PLEKHH2: variants seen among roughly 807,000 people sequenced by gnomAD.
PLEKHH2 encodes the protein pleckstrin homology, MyTH4 and FERM domain containing H2.
A neutral mutation model predicts 187.9 loss-of-function variants in PLEKHH2; 129 were observed. That is an observed-to-expected ratio of 0.69 (90% confidence interval 0.59 to 0.79). The LOEUF (loss-of-function observed/expected upper bound fraction) is 0.79, where lower values mean the gene tolerates loss of function less well. Ranked by LOEUF, PLEKHH2 falls within the 30% of genes least tolerant of loss-of-function variation. The pLI is 0.00. For missense variants in PLEKHH2, 2,076 were observed against 1,751.2 expected (o/e 1.19, Z -3.31); for synonymous variants, 686 against 605.6 (o/e 1.13, Z -1.95).
intron 24 of PLEKHH2, among the ~76,000 whole-genome samples, chr2:43,747,512 C>T (rs1196662373): frequency 6.6e-6 from 1 of 152,144 alleles, no homozygotes; most frequent in Non-Finnish European, 1.5e-5. Context: ...TGAGAAAATG[C>T]CGGAGACTCC....
intron 19 of PLEKHH2, among the ~76,000 whole-genome samples, chr2:43,734,701 A>T (rs1010981607): frequency 6.6e-6 from 1 of 152,262 alleles, no homozygotes; most frequent in African/African-American, 2.4e-5. Context: ...GAGGTTCCTC[A>T]AAAAACTAAA....
At chr2:43,668,221 A>G (rs1667319955) in intron 2 of PLEKHH2, among the ~76,000 whole-genome samples, 2 of 152,198 alleles carry the variant, frequency 1.3e-5, no homozygotes, top group Middle Eastern at 3.4e-3. Context: ...TAATAGAGAC[A>G]AGGTTTTATC....
In PLEKHH2 at chr2:43,700,031, C is replaced by T; in HGVS notation, c.1073C>T (p.Ala358Val). The change falls in exon 8 of 30, where the codon GCA (alanine) becomes GTA (valine). Residue 358 changes from alanine to valine, a missense_variant. Coordinates refer to ENST00000282406, the MANE Select transcript of PLEKHH2 (RefSeq NM_172069.4). ...HKKLYSWQQE[A>V]QWKALNSPLG... Reference sequence around the variant, plus strand: ...AAGCTATATTCTTGGCAGCAGGAGGCACAGTGGAAAGCTCTAAATAGTCCT... The same window carrying T: ...AAGCTATATTCTTGGCAGCAGGAGGTACAGTGGAAAGCTCTAAATAGTCCT... 1 of 1,614,108 alleles carries T rather than the reference C, an allele frequency of 6.2e-7. No homozygotes were observed. Among genetic ancestry groups the T allele is most frequent in the Non-Finnish European group, 8.5e-7 (1 of 1,180,010 alleles).
At chr2:43,684,198 C>T (rs1445423479) in intron 3 of PLEKHH2, among the ~76,000 whole-genome samples, 1 of 150,580 alleles carries the variant, frequency 6.6e-6, no homozygotes, top group Non-Finnish European at 1.5e-5. Context: ...TTCTCCTTCC[C>T]TTCTTTTCCC....
intron 11 of PLEKHH2, among the ~76,000 whole-genome samples, chr2:43,708,998 C>CTTTT (rs1669810290): frequency 6.6e-6 from 1 of 152,138 alleles, no homozygotes; most frequent in Admixed American, 6.5e-5. Flanking sequence ...TTGCTGGATA[C>CTTTT]TTTTATAAAT....
rs751223291 is a variant in PLEKHH2 at position 43,720,766 on chromosome 2, A to G, written c.2541+17A>G. 77 of 1,590,710 alleles carry G rather than the reference A, an allele frequency of 4.8e-5. No individual in the cohort carries two copies. Among genetic ancestry groups the G allele is most frequent in the Non-Finnish European group, 4.3e-6 (5 of 1,173,312 alleles). ...GAAGATAAGGTATGTATGTATTTTT[A>G]ATATGCCAATTGAAGTAACTTTTTG... On this transcript the variant is annotated intron_variant, in intron 16 of 29. Transcript: ENST00000282406.
At chr2:43,705,251 CTTTTT>C (rs5830767) in intron 9 of PLEKHH2, among the ~76,000 whole-genome samples, 7 of 95,864 alleles carry the variant, frequency 7.3e-5, no homozygotes, top group African/African-American at 3.0e-4. Flanking sequence ...AAATTTTATC[CTTTTT>C]TTTTTTTTTT....
At chr2:43,688,942 C>T (rs781058076) in intron 3 of PLEKHH2, among the ~76,000 whole-genome samples, 1 of 152,166 alleles carries the variant, frequency 6.6e-6, no homozygotes, top group African/African-American at 2.4e-5. Flanking sequence ...CCTGACTGAT[C>T]TTAGTCAGTC....
chr2:43,668,997 G>A (rs1667366820), intron 2 of PLEKHH2, among the ~76,000 whole-genome samples: 1 of 152,270 alleles, frequency 6.6e-6, no homozygotes, highest in African/African-American at 2.4e-5. Context: ...AAGGAGTAGG[G>A]AATGGTCAGC....
chr2:43,660,190 C>G (rs1251910184), intron 2 of PLEKHH2, among the ~76,000 whole-genome samples: 1 of 152,120 alleles, frequency 6.6e-6, no homozygotes, highest in Non-Finnish European at 1.5e-5. Context: ...TTTGAGTTCA[C>G]CAGTGTTGTC....
intron 2 of PLEKHH2, among the ~76,000 whole-genome samples, chr2:43,660,478 T>A (rs1430036148): frequency 2.6e-5 from 4 of 151,078 alleles, no homozygotes; most frequent in East Asian, 1.9e-4. Context: ...TTTATTTTTT[T>A]TTTTTTATAC....
chr2:43,659,686 G>C (rs1666970347), intron 2 of PLEKHH2, among the ~76,000 whole-genome samples: 1 of 151,560 alleles, frequency 6.6e-6, no homozygotes, highest in East Asian at 1.9e-4. Flanking sequence ...AGCCTCCCAA[G>C]TAGCTGGGAC....
Position 43,700,482 on chromosome 2 carries a change from T to C in PLEKHH2, c.1524T>C (p.Asp508=), listed in dbSNP as rs533238365. The C allele has an allele frequency of 4.3e-5, 70 of 1,614,106 alleles. No individual in the cohort carries two copies. In the South Asian group the frequency reaches 7.0e-4, roughly 16 times the overall value. Residue 508 remains aspartate (D), a synonymous_variant, in exon 8 of 30, where the codon GAT becomes GAC. Coordinates refer to ENST00000282406, the MANE Select transcript of PLEKHH2 (RefSeq NM_172069.4). ...TAGAGAATATGGACACGAGTTGTGA[T>C]GATGGATTATTTTCCTATGACTCCT... ...EVLENMDTSC[D]DGLFSYDSLD... is the part of the protein sequence containing the mutation.
rs1669930504 is a variant in PLEKHH2 at position 43,710,846 on chromosome 2, A to C, written c.2301+271A>C. ...CATATTTAATCTCCTAGGTATTTTC[A>C]GCTGTCCAACTGTGAAGCTATTTTA... On this transcript the variant is annotated intron_variant, in intron 14 of 29. Transcript: ENST00000282406. The C allele has an allele frequency of 5.0e-6, 6 of 1,205,718 alleles. No individual in the cohort carries two copies. In the South Asian group the frequency reaches 1.2e-4, roughly 23 times the overall value. 74.7% of individuals were successfully genotyped at this position (1,205,718 alleles called of 1,614,324 possible).
At chr2:43,729,286 G>GTATCA (rs1228905596) in intron 17 of PLEKHH2, among the ~76,000 whole-genome samples, 1 of 152,130 alleles carries the variant, frequency 6.6e-6, no homozygotes, top group Non-Finnish European at 1.5e-5. Context: ...TATTCTGTAT[G>GTATCA]TATCACTCTG....
In PLEKHH2 at chr2:43,765,762, T is replaced by C; in HGVS notation, c.*164T>C. The C allele has an allele frequency of 4.8e-6, 3 of 631,362 alleles. No individual in the cohort carries two copies. The highest frequency in any genetic ancestry group is 7.4e-6 in the Non-Finnish European group (3 of 404,410). 39.1% of individuals were successfully genotyped at this position (631,362 alleles called of 1,614,324 possible). A position where few individuals can be genotyped will look rare whatever the true frequency, so the allele number is the denominator to read the frequency against. On this transcript the variant is annotated 3_prime_UTR_variant, in exon 30 of 30. Transcript: ENST00000282406. ...TTTATTTGATTCTTAAATATTCAAA[T>C]AAATATTAACAGTAAAACATAAACA...
At chr2:43,750,216 T>C (rs1171115060) in intron 24 of PLEKHH2, among the ~76,000 whole-genome samples, 1 of 152,200 alleles carries the variant, frequency 6.6e-6, no homozygotes, top group Non-Finnish European at 1.5e-5. Flanking sequence ...CTCACGCCTG[T>C]AATCCCAGCA....
At position 43,644,770 on chromosome 2, in the gene PLEKHH2, A is replaced by G. The variant is rs759800272; in HGVS notation, c.97A>G (p.Lys33Glu). The change falls in exon 2 of 30, where the codon AAG (lysine) becomes GAG (glutamate). Residue 33 changes from lysine (K) to glutamate (E), a missense_variant. By Grantham distance (56) the Lys-to-Glu change is moderately conservative. Transcript: ENST00000282406. ...CATGAAATTTAGAGTTCAAGCAAGC[A>G]AGATACGAGAGCTTTTAGCAGAGAA... Reference protein sequence around the residue: ...QLMKFRVQASKIRELLAEKMQ... With the variant: ...QLMKFRVQASEIRELLAEKMQ... 1 of 1,609,240 alleles carries G rather than the reference A, an allele frequency of 6.2e-7. No homozygotes were observed. Among genetic ancestry groups the G allele is most frequent in the Non-Finnish European group, 8.5e-7 (1 of 1,176,916 alleles).
At chr2:43,723,387 T>C (rs1670582146) in intron 16 of PLEKHH2, among the ~76,000 whole-genome samples, 2 of 152,190 alleles carry the variant, frequency 1.3e-5, no homozygotes, top group South Asian at 4.1e-4. Flanking sequence ...TGAACACTTA[T>C]ACACCAAACT....
Sources: allele counts gnomAD v4.1 joint callset (sites outside exome capture counted in the v4.1 genomes callset), GRCh38; gene constraint gnomAD v4.1.1; transcripts MANE v1.5; gene names NCBI Gene and HGNC (gene_info 2026-07-23, HGNC 2026-07-21).